Variants in IGFBP5 observed in about 807,000 individuals in gnomAD.
IGFBP5 encodes insulin-like growth factor-binding protein 5.
IGFBP5 carries 12 observed loss-of-function variants against 28.0 expected under a neutral mutation model. The observed-to-expected ratio is 0.43, with a 90% confidence interval of 0.27 to 0.69. The LOEUF (loss-of-function observed/expected upper bound fraction) is 0.69, where lower values mean the gene tolerates loss of function less well. Ranked by LOEUF, IGFBP5 falls within the 30% of genes least tolerant of loss-of-function variation. The pLI is 0.20. For synonymous variants in IGFBP5, 152 were observed against 150.2 expected (o/e 1.01, Z -0.09); for missense variants, 344 against 381.6 (o/e 0.90, Z 0.82).
rs1245131946 is a variant in IGFBP5, at chr2:216,692,789, G to A, written c.337+1650C>T. Among the ~76,000 whole-genome samples, 1 of 152,020 alleles carries A rather than the reference G, an allele frequency of 6.6e-6. No homozygotes were observed. Among genetic ancestry groups the A allele is most frequent in the Non-Finnish European group, 1.5e-5 (1 of 67,962 alleles). On this transcript the variant is annotated intron_variant, in intron 1 of 3. Transcript: ENST00000233813. This position sits in a 1 kb window ranked among gnomAD's most constrained non-coding sequence, Gnocchi z 4.2. ...CCTGCAAAAAGATCGACTTTTTGCA[G>A]GTTTGGAGATCGACTACCTCTTGCA...
chr2:216,685,088 C>T (rs1001475366), intron 1 of IGFBP5, among the ~76,000 whole-genome samples: 4 of 151,852 alleles, frequency 2.6e-5, no homozygotes, highest in African/African-American at 7.3e-5. Context: ...TCGAGACCAG[C>T]CTGGCCAACA....
intron 1 of IGFBP5, among the ~76,000 whole-genome samples, chr2:216,687,644 A>T (rs1242391457): frequency 6.6e-6 from 1 of 152,174 alleles, no homozygotes; most frequent in Admixed American, 6.5e-5. Flanking sequence ...AAGGGGGAGC[A>T]TGCTTAGTAG....
chr2:216,694,502 C>T lies in IGFBP5; in HGVS notation c.274G>A (p.Ala92Thr). 3 of 1,590,460 alleles carry T rather than the reference C, an allele frequency of 1.9e-6. No individual in the cohort carries two copies. The highest frequency in any genetic ancestry group is 2.3e-5 in the East Asian group (1 of 43,688). ...PRQDEEKPLH[A>T]LLHGRGVCLN... ...CAAACCCCGCGGCCGTGCAGCAGGGCGTGCAGCGGCTTCTCCTCGTCCTGC... is the reference window on the plus strand; with the variant it reads ...CAAACCCCGCGGCCGTGCAGCAGGGTGTGCAGCGGCTTCTCCTCGTCCTGC... Residue 92 changes from alanine to threonine, a missense_variant, in exon 1 of 4, where the codon GCC (alanine) becomes ACC (threonine). Coordinates refer to ENST00000233813, the MANE Select transcript of IGFBP5 (RefSeq NM_000599.4). The surrounding 1 kb of genome is among the most constrained non-coding windows in gnomAD (Gnocchi z 5.2).
chr2:216,689,258 G>A (rs1472114159), intron 1 of IGFBP5, among the ~76,000 whole-genome samples: 1 of 152,204 alleles, frequency 6.6e-6, no homozygotes, highest in African/African-American at 2.4e-5. Context: ...CATCAGGAGA[G>A]CTTCCTGTCA....
chr2:216,678,344 C>T (rs1471532377), intron 2 of IGFBP5, 113 bp from the exon 3 acceptor site: 2 of 1,139,278 alleles, frequency 1.8e-6, no homozygotes, highest in Admixed American at 3.0e-5. Context: ...AAAGTCACCA[C>T]CTTTGGTTCT....
intron 1 of IGFBP5, among the ~76,000 whole-genome samples, chr2:216,682,055 G>A (rs1369229602): frequency 6.6e-6 from 1 of 152,190 alleles, no homozygotes; most frequent in Non-Finnish European, 1.5e-5. Context: ...AACTCAAAAT[G>A]CTTTTGCAAA....
chr2:216,685,905 G>A (rs1379356270), intron 1 of IGFBP5, among the ~76,000 whole-genome samples: 4 of 151,286 alleles, frequency 2.6e-5, no homozygotes, highest in African/African-American at 7.3e-5. Flanking sequence ...GTTTGTTTTT[G>A]TTTTTACTTG....
chr2:216,678,687 G>A (rs2106217750), intron 2 of IGFBP5, 163 bp downstream of exon 2: 1 of 625,758 alleles, frequency 1.6e-6, no homozygotes, highest in East Asian at 2.7e-5. Context: ...CCTGACAAGT[G>A]TATGCTCTGG....
intron 2 of IGFBP5, 136 bp from the exon 3 acceptor site, chr2:216,678,367 C>A (rs1688929801): frequency 1.1e-6 from 1 of 914,506 alleles, no homozygotes; most frequent in African/African-American, 1.7e-5. Context: ...TCATCTGCTA[C>A]CAAAGATCTT....
At chr2:216,687,455 A>T (rs959389662) in intron 1 of IGFBP5, among the ~76,000 whole-genome samples, 4 of 152,232 alleles carry the variant, frequency 2.6e-5, no homozygotes, top group South Asian at 4.2e-4. Context: ...CAGGGACCAG[A>T]GGTAAAGAGA....
At chr2:216,680,438 C>T (rs945812411) in intron 1 of IGFBP5, among the ~76,000 whole-genome samples, 1 of 152,122 alleles carries the variant, frequency 6.6e-6, no homozygotes, top group East Asian at 1.9e-4. Context: ...TGAGAAGACG[C>T]TGTTTTATGC....
chr2:216,686,067 G>A (rs1170029305), intron 1 of IGFBP5, among the ~76,000 whole-genome samples: 2 of 151,970 alleles, frequency 1.3e-5, no homozygotes, highest in Non-Finnish European at 2.9e-5. Context: ...CCAGGAGGAA[G>A]ACCCCGGAGG....
chr2:216,684,885 G>A (rs932157262), intron 1 of IGFBP5, among the ~76,000 whole-genome samples: 6 of 152,202 alleles, frequency 3.9e-5, no homozygotes, highest in African/African-American at 1.2e-4. Context: ...TAACCCTGCC[G>A]CAGGGCACAG....
intron 2 of IGFBP5, 94 bp downstream of exon 2, chr2:216,678,756 G>T: frequency 5.7e-6 from 6 of 1,045,304 alleles, no homozygotes; most frequent in Non-Finnish European, 5.6e-6. Context: ...CCTCTGCTGG[G>T]TCTAGTCTAG....
At position 216,695,091 on chromosome 2, in the gene IGFBP5, GA is replaced by G; in HGVS notation, c.-317del. ...GCCTGAGCGGGTCAGAATTATAGGG[GA>G]AAAAAAGCCACAAAATTGTTCACCC... On this transcript the variant is annotated 5_prime_UTR_variant, in exon 1 of 4. Transcript: ENST00000233813. The G allele has an allele frequency of 5.4e-5, 14 of 259,982 alleles. No individual in the cohort carries two copies. The highest frequency in any genetic ancestry group is 2.0e-4 in the East Asian group (3 of 15,320). 16.1% of individuals were successfully genotyped at this position (259,982 alleles called of 1,614,324 possible). A position where few individuals can be genotyped will look rare whatever the true frequency, so the allele number is the denominator to read the frequency against.
chr2:216,677,072 C>G (rs1173192902), intron 3 of IGFBP5, among the ~76,000 whole-genome samples, 190 bp from the exon 4 acceptor site: 1 of 152,040 alleles, frequency 6.6e-6, no homozygotes, highest in Admixed American at 6.6e-5. Flanking sequence ...ATTTAGGCAG[C>G]CTACCCTTGG....
chr2:216,691,926 A>G (rs1689102868), intron 1 of IGFBP5, among the ~76,000 whole-genome samples: 1 of 123,858 alleles, frequency 8.1e-6, no homozygotes, highest in Non-Finnish European at 1.7e-5. Context: ...CTGCAAGCTC[A>G]GATTTTGGCG....
rs549591183 is a variant in IGFBP5 at position 216,691,361 on chromosome 2, C to G, written c.337+3078G>C. On this transcript the variant is annotated intron_variant, in intron 1 of 3. Coordinates refer to ENST00000233813, the MANE Select transcript of IGFBP5 (RefSeq NM_000599.4). ...AGCACAGAGGAGACCTACCCGAACCCCGGTATCTATGCTGGGGACCAGCCC... is the reference window on the plus strand; with the variant it reads ...AGCACAGAGGAGACCTACCCGAACCGCGGTATCTATGCTGGGGACCAGCCC... 1.6e-4 allele frequency among the ~76,000 whole-genome samples: 25 copies of G among 152,314 alleles called. 1 individual carries two copies. Among genetic ancestry groups the G allele is most frequent in the African/African-American group, 5.5e-4 (23 of 41,578 alleles).
At chr2:216,681,069 TG>T (rs1022199003) in intron 1 of IGFBP5, among the ~76,000 whole-genome samples, 14 of 152,076 alleles carry the variant, frequency 9.2e-5, no homozygotes, top group Non-Finnish European at 1.5e-4. Context: ...ATGGCTGGTT[TG>T]GGGACTTTGT....
Sources: allele counts gnomAD v4.1 joint callset (sites outside exome capture counted in the v4.1 genomes callset), GRCh38; gene constraint gnomAD v4.1.1; non-coding constraint Gnocchi (gnomAD v3.1); transcripts MANE v1.5; gene names NCBI Gene and HGNC (gene_info 2026-07-23, HGNC 2026-07-21).